STEEP1: variants seen among roughly 807,000 people sequenced by gnomAD.
STEEP1 encodes STING1 ER exit protein 1, also known as STING ER exit protein.
Under a neutral mutation model 19.2 loss-of-function variants are expected in STEEP1, and 3 were observed. The observed-to-expected ratio is 0.16, with a 90% CI of 0.07 to 0.40. The LOEUF (loss-of-function observed/expected upper bound fraction) is 0.40, where lower values mean the gene tolerates loss of function less well. Among genes scored for constraint, STEEP1 ranks in the 10% least tolerant of loss-of-function variants. The pLI, the probability that STEEP1 is intolerant of heterozygous loss-of-function variation, is 0.99. For synonymous variants in STEEP1, 46 were observed against 63.7 expected (o/e 0.72, Z 1.32); for missense variants, 54 against 177.1 (o/e 0.30, Z 3.94).
intron 4 of STEEP1, among the ~76,000 whole-genome samples, chrX:119,542,995 CGCAAAAAAAA>C (rs1328005212): frequency 1.8e-4 from 4 of 22,740 alleles, no homozygotes; most frequent in South Asian, 3.3e-3. Flanking sequence ...GACTGGGTCT[CGCAAAAAAAA>C]AAAAAAAAAA....
intron 6 of STEEP1, among the ~76,000 whole-genome samples, chrX:119,540,329 G>A (rs1024252668): frequency 2.7e-5 from 3 of 111,061 alleles, no homozygotes; most frequent in Non-Finnish European, 5.7e-5. Context: ...TCTGTTCATG[G>A]AAATTTGAAA....
intron 2 of STEEP1, among the ~76,000 whole-genome samples, chrX:119,558,450 C>T (rs1041282101): frequency 1.4e-3 from 152 of 110,783 alleles, no homozygotes; most frequent in Middle Eastern, 4.6e-3. Context: ...GGCAGGAGAA[C>T]GGCGTGAACC....
intron 2 of STEEP1, among the ~76,000 whole-genome samples, chrX:119,558,351 G>A (rs2053296896): frequency 9.0e-6 from 1 of 110,514 alleles, no homozygotes; most frequent in Non-Finnish European, 1.9e-5. Flanking sequence ...TGGCTAACAC[G>A]GTGAAACCCC....
At chrX:119,544,311 T>A (rs1569398107) in intron 4 of STEEP1, 42 bp downstream of exon 4, 1 of 1,137,536 alleles carries the variant, frequency 8.8e-7, no homozygotes, top group Non-Finnish European at 1.2e-6. Flanking sequence ...ATGAGCTAAA[T>A]CTAGAGCTAT....
intron 2 of STEEP1, among the ~76,000 whole-genome samples, chrX:119,555,297 G>C (rs2053271648): frequency 9.1e-6 from 1 of 109,634 alleles, no homozygotes; most frequent in Admixed American, 9.9e-5. Context: ...AAGATGGACA[G>C]ATCATAGAGC....
rs2053140565 is a variant in STEEP1 at position 119,538,636 on chromosome X, AT to A, written c.*1090del. ...ATTTTAGTAGAGACAGGGTTTCACC[AT>A]GTTGCCCAGGCTGGTCTCAAACTCC... On this transcript the variant is annotated 3_prime_UTR_variant, in exon 7 of 7. Transcript: ENST00000644802. 9.1e-6 allele frequency: 1 copy of A among 109,956 alleles called. No homozygotes were observed. The highest frequency in any genetic ancestry group is 3.3e-5 in the African/African-American group (1 of 30,112). 9.1% of individuals were successfully genotyped at this position (109,956 alleles called of 1,213,427 possible). A position where few individuals can be genotyped will look rare whatever the true frequency, so the allele number is the denominator to read the frequency against.
At chrX:119,553,119 A>G (rs2053254530) in intron 2 of STEEP1, among the ~76,000 whole-genome samples, 1 of 98,634 alleles carries the variant, frequency 1.0e-5, no homozygotes. Flanking sequence ...GCGCCGTTGC[A>G]CTCCAGCCTA....
chrX:119,552,212 C>CT (rs1486784349), intron 2 of STEEP1, among the ~76,000 whole-genome samples: 3 of 110,985 alleles, frequency 2.7e-5, no homozygotes, highest in African/African-American at 9.8e-5. Flanking sequence ...ATTTTTGCAA[C>CT]TTTTTTGTAG....
intron 2 of STEEP1, among the ~76,000 whole-genome samples, chrX:119,546,757 TTCA>T (rs1322752914): frequency 1.8e-5 from 2 of 111,233 alleles, no homozygotes; most frequent in Non-Finnish European, 3.8e-5. Flanking sequence ...CCACACTTAC[TTCA>T]TCAGCAAATT....
intron 2 of STEEP1, among the ~76,000 whole-genome samples, chrX:119,546,520 T>C (rs1419303996): frequency 1.8e-5 from 2 of 110,558 alleles, no homozygotes; most frequent in African/African-American, 6.6e-5. Flanking sequence ...ATATTATTAT[T>C]CCCACTTTAT....
At chrX:119,542,676 G>T in intron 4 of STEEP1, 82 bp from the exon 5 acceptor site, 1 of 614,526 alleles carries the variant, frequency 1.6e-6, no homozygotes, top group Non-Finnish European at 2.7e-6. Flanking sequence ...ACACGCCTGT[G>T]TGAGGGGCTG....
At chrX:119,546,283 A>C (rs567912280) in intron 2 of STEEP1, among the ~76,000 whole-genome samples, 23 of 109,453 alleles carry the variant, frequency 2.1e-4, no homozygotes, top group African/African-American at 7.3e-4. Flanking sequence ...TCTACTAAAA[A>C]TATAAAAATT....
At chrX:119,554,183 G>C (rs1271969452) in intron 2 of STEEP1, among the ~76,000 whole-genome samples, 1 of 111,590 alleles carries the variant, frequency 9.0e-6, no homozygotes, top group Admixed American at 9.5e-5. Flanking sequence ...GGTGGCTCAC[G>C]CCTGTAATCC....
rs1266033598 is a variant in STEEP1 at position 119,560,261 on chromosome X, C to T, written c.242+7G>A. On this transcript the variant is annotated splice_region_variant and intron_variant, in intron 2 of 6. Transcript: ENST00000644802. ...GAAATCCTAAACAGGGAGCATCAAC[C>T]TCTTACCTCCGCAGATACATAGTCT... The T allele has an allele frequency of 8.6e-6, 10 of 1,157,170 alleles. No individual in the cohort carries two copies. Among genetic ancestry groups the T allele is most frequent in the Non-Finnish European group, 1.2e-5 (10 of 847,074 alleles).
intron 2 of STEEP1, among the ~76,000 whole-genome samples, chrX:119,546,817 T>TCTCC (rs1389359597): frequency 9.0e-6 from 1 of 111,704 alleles, no homozygotes; most frequent in African/African-American, 3.3e-5. Context: ...TGTCTGCTTG[T>TCTCC]CTCCACGTTC....
chrX:119,543,292 A>G (rs1487383264), intron 4 of STEEP1, among the ~76,000 whole-genome samples: 2 of 109,756 alleles, frequency 1.8e-5, no homozygotes, highest in Non-Finnish European at 1.9e-5. Flanking sequence ...GGTTCAAGCG[A>G]TTCTCCTGCC....
rs1448465522 is a variant in STEEP1 at position 119,543,837 on chromosome X, T to A, written c.423+516A>T. On this transcript the variant is annotated intron_variant, in intron 4 of 6. Coordinates refer to ENST00000644802, the MANE Select transcript of STEEP1 (RefSeq NM_022101.4). ...TTGTTTTTAATTGTTCAAAAAAAAA[T>A]TTGTAAAATAACACATGATATCTCT... Among the ~76,000 whole-genome samples, 3 of 111,981 alleles carry A rather than the reference T, an allele frequency of 2.7e-5. 1 individual carries two copies. The highest frequency in any genetic ancestry group is 9.6e-5 in the Admixed American group (1 of 10,452).
At chrX:119,551,939 T>C (rs1163815501) in intron 2 of STEEP1, among the ~76,000 whole-genome samples, 1 of 105,989 alleles carries the variant, frequency 9.4e-6, no homozygotes, top group Non-Finnish European at 1.9e-5. Flanking sequence ...TCTCACTCTG[T>C]GACCCAGATT....
At chrX:119,557,661 G>A (rs767514950) in intron 2 of STEEP1, among the ~76,000 whole-genome samples, 3 of 110,833 alleles carry the variant, frequency 2.7e-5, no homozygotes, top group South Asian at 7.5e-4. Flanking sequence ...TATAAGAAAA[G>A]AACAGGCAAA....
Sources: allele counts gnomAD v4.1 joint callset (sites outside exome capture counted in the v4.1 genomes callset), GRCh38; gene constraint gnomAD v4.1.1; transcripts MANE v1.5; gene names NCBI Gene and HGNC (gene_info 2026-07-23, HGNC 2026-07-21).